PCNX2: variants seen among roughly 807,000 people sequenced by gnomAD.
PCNX2 encodes pecanex 2.
In PCNX2, 168 loss-of-function variants were observed where a neutral mutation model predicts 223.8. That is an observed-to-expected ratio of 0.75 (90% CI 0.66 to 0.85). The LOEUF is 0.85. Among genes scored for constraint, PCNX2 ranks in the 40% least tolerant of loss-of-function variants. The pLI is 0.00. For missense variants in PCNX2, 2,507 were observed against 2,675.5 expected, an observed-to-expected ratio of 0.94 and a Z score of 1.39; for synonymous variants, 1,006 against 1,052.6, an observed-to-expected ratio of 0.96 and a Z score of 0.86.
intron 10 of PCNX2, among the ~76,000 whole-genome samples, chr1:233,218,470 T>A (rs1657151644): frequency 6.6e-6 from 1 of 152,068 alleles, no homozygotes; most frequent in Non-Finnish European, 1.5e-5. Flanking sequence ...CAGGATGGTC[T>A]TGATCTCCTG....
chr1:233,252,468 A>T lies in PCNX2; in HGVS notation c.2014T>A (p.Tyr672Asn). The T allele has an allele frequency of 3.1e-6, 5 of 1,612,982 alleles. No individual in the cohort carries two copies. The highest frequency in any genetic ancestry group is 4.2e-6 in the Non-Finnish European group (5 of 1,179,176). ...CTATCTTGTTGGGAAGTTACCCTGTAGATTATCTGTCTTTGTCTATTGCCC... is the reference window on the plus strand; with the variant it reads ...CTATCTTGTTGGGAAGTTACCCTGTTGATTATCTGTCTTTGTCTATTGCCC... ...FQGNRQRQII[Y>N]RVTSQQDSSV... Residue 672 changes from tyrosine to asparagine, a missense_variant, in exon 7 of 34, where the codon TAC (tyrosine) becomes AAC (asparagine). By Grantham distance (143) the Tyr-to-Asn change is moderately radical. Around this residue, in one of 3 missense-constraint regions of PCNX2, gnomAD observed 1,031 missense variants for 1,021.7 expected, o/e 1.01. Coordinates refer to ENST00000258229, the MANE Select transcript of PCNX2 (RefSeq NM_014801.4).
chr1:233,022,169 C>T (rs1170672929), intron 26 of PCNX2, among the ~76,000 whole-genome samples: 3 of 152,190 alleles, frequency 2.0e-5, no homozygotes, highest in East Asian at 1.9e-4. Context: ...TCCCACTACT[C>T]GTGCCTGCAG....
chr1:233,007,252 A>G (rs1670316429), intron 28 of PCNX2, among the ~76,000 whole-genome samples: 2 of 151,090 alleles, frequency 1.3e-5, no homozygotes, highest in Admixed American at 6.7e-5. Context: ...ACAGAAGGAG[A>G]CACCTTCCAT....
chr1:233,203,046 A>ACTAT, intron 13 of PCNX2, among the ~76,000 whole-genome samples: 1 of 152,200 alleles, frequency 6.6e-6, no homozygotes, highest in South Asian at 2.1e-4. Context: ...ATGGCTACAA[A>ACTAT]AGAGAATAAA....
intron 32 of PCNX2, among the ~76,000 whole-genome samples, 182 bp downstream of exon 32, chr1:232,998,069 A>G (rs1053627011): frequency 3.9e-5 from 6 of 152,226 alleles, no homozygotes; most frequent in African/African-American, 1.4e-4. Flanking sequence ...TAAAAGCTGA[A>G]TCTAACAGAT....
intron 9 of PCNX2, among the ~76,000 whole-genome samples, chr1:233,235,450 A>C (rs1269050458): frequency 6.6e-6 from 1 of 151,944 alleles, no homozygotes; most frequent in Non-Finnish European, 1.5e-5. Flanking sequence ...TGTATCTGGC[A>C]ACTGGCACTT....
intron 23 of PCNX2, chr1:233,058,069 C>A (rs572046961): frequency 1.0e-6 from 1 of 984,904 alleles, no homozygotes; most frequent in East Asian, 1.1e-4. Flanking sequence ...GGATCATCTG[C>A]AGCCATGGTA....
chr1:233,252,393 T>G lies in PCNX2; in HGVS notation c.2089A>C (p.Ile697Leu). 2 of 1,612,724 alleles carry G rather than the reference T, an allele frequency of 1.2e-6. No individual in the cohort carries two copies. Among genetic ancestry groups the G allele is most frequent in the South Asian group, 2.2e-5 (2 of 90,944 alleles). ...SGPETSVQEE[I>L]SVDAMHVFID... ...AAGACATGCATAGCATCCACAGATA[T>G]CTCTTCTTGTACAGATGTTTCAGGC... Residue 697 changes from isoleucine to leucine, a missense_variant, in exon 7 of 34, where the codon ATA becomes CTA. By Grantham distance (5) the Ile-to-Leu change is conservative. Coordinates refer to ENST00000258229, the MANE Select transcript of PCNX2 (RefSeq NM_014801.4).
At chr1:233,242,904 C>A (rs1262300764) in intron 8 of PCNX2, among the ~76,000 whole-genome samples, 2 of 152,160 alleles carry the variant, frequency 1.3e-5, no homozygotes. Context: ...GTGGATTTAT[C>A]CTCTGGCAGT....
At position 233,001,057 on chromosome 1, in the gene PCNX2, A is replaced by G. The variant is rs1158008821; in HGVS notation, c.5097+480T>C. On this transcript the variant is annotated intron_variant, in intron 29 of 33. Transcript: ENST00000258229. This position sits in a 1 kb window ranked among gnomAD's most constrained non-coding sequence, Gnocchi z 4.2. ...TTTTCTTTTTTTTTCCCCAAGAGAC[A>G]GGGTCTTGCACTGTCACCCAGGCTG... is the stretch of plus-strand genomic sequence containing the variant. Among the ~76,000 whole-genome samples the G allele has an allele frequency of 6.6e-6, 1 of 152,056 alleles. No homozygotes were observed. Among genetic ancestry groups the G allele is most frequent in the African/African-American group, 2.4e-5 (1 of 41,376 alleles).
At chr1:233,315,460 G>T in the PCNX2 span, among the ~76,000 whole-genome samples, 1 of 151,944 alleles carries the variant, frequency 6.6e-6, no homozygotes, top group Non-Finnish European at 1.5e-5. Flanking sequence ...TTCTTAAAGG[G>T]GTATGTTAAT....
chr1:233,199,793 A>G (rs1680949597), intron 14 of PCNX2, among the ~76,000 whole-genome samples: 1 of 135,100 alleles, frequency 7.4e-6, no homozygotes, highest in Admixed American at 7.3e-5. Context: ...TGTGTGCTCA[A>G]ATACACACAC....
intron 21 of PCNX2, among the ~76,000 whole-genome samples, chr1:233,102,300 T>C (rs895194249): frequency 1.3e-5 from 2 of 152,170 alleles, no homozygotes; most frequent in African/African-American, 4.8e-5. Context: ...CTGAGGTTGA[T>C]TCCATATTTT....
chr1:233,087,175 C>T (rs773862649), intron 23 of PCNX2: 4 of 985,382 alleles, frequency 4.1e-6, no homozygotes, highest in Non-Finnish European at 4.8e-6. Context: ...TGTTACACTG[C>T]AGCTCTCATT....
Position 233,161,333 on chromosome 1 carries a change from A to C in PCNX2, c.3304T>G (p.Cys1102Gly), listed in dbSNP as rs999322161. 2.5e-6 allele frequency: 4 copies of C among 1,613,942 alleles called. No individual in the cohort carries two copies. The highest frequency in any genetic ancestry group is 3.4e-6 in the Non-Finnish European group (4 of 1,179,862). The change falls in exon 18 of 34, where the codon TGC becomes GGC. Residue 1102 changes from cysteine to glycine, a missense_variant. By Grantham distance (159) the Cys-to-Gly change is radical. This residue lies in a region of PCNX2 where 1,372 missense variants were observed against 1,509.4 expected (regional missense o/e 0.91). Transcript: ENST00000258229. ...TDVLKWDLIVCAVVAVLSFAV... is the reference protein window; with the variant it reads ...TDVLKWDLIVGAVVAVLSFAV... ...AATGAGAGGACAGCAACCACTGCGC[A>C]GACGATGAGATCCCATTTTAAGACA...
chr1:233,289,017 A>C (rs1180960064), intron 1 of PCNX2: 1 of 1,391,304 alleles, frequency 7.2e-7, no homozygotes, highest in African/African-American at 1.4e-5. Context: ...TTTCACGCGG[A>C]TTCTCTTGCC....
At chr1:233,017,341 G>A (rs1214359778) in intron 26 of PCNX2, among the ~76,000 whole-genome samples, 187 bp from the exon 27 acceptor site, 8 of 128,838 alleles carry the variant, frequency 6.2e-5, no homozygotes, top group East Asian at 2.4e-4. Flanking sequence ...TTTTTGAGAC[G>A]GAGTCTTGCT....
chr1:233,145,378 T>C (rs1365239448), intron 19 of PCNX2, among the ~76,000 whole-genome samples: 3 of 152,216 alleles, frequency 2.0e-5, no homozygotes, highest in East Asian at 1.9e-4. Context: ...GCATTGATTA[T>C]TGTGTATTGT....
chr1:233,294,732 C>A (rs1366750455), intron 1 of PCNX2, among the ~76,000 whole-genome samples: 6 of 152,090 alleles, frequency 3.9e-5, no homozygotes, highest in Admixed American at 3.9e-4. Flanking sequence ...AATGTCAAGC[C>A]CCATCTAAAT....
Sources: allele counts gnomAD v4.1 joint callset (sites outside exome capture counted in the v4.1 genomes callset), GRCh38; gene constraint gnomAD v4.1.1; regional missense constraint gnomAD v4.1.1; non-coding constraint Gnocchi (gnomAD v3.1); transcripts MANE v1.5; gene names NCBI Gene and HGNC (gene_info 2026-07-23, HGNC 2026-07-21).